MALT1: variants seen among roughly 807,000 people sequenced by gnomAD.
MALT1 encodes mucosa-associated lymphoid tissue lymphoma translocation protein 1.
In MALT1, 36 loss-of-function variants were observed where a neutral mutation model predicts 85.5. The ratio of observed to expected loss-of-function variants is 0.42; its 90% confidence interval spans 0.32 to 0.56. The LOEUF is 0.56. Ranked by LOEUF, MALT1 falls within the 20% of genes least tolerant of loss-of-function variation. MALT1 has a pLI of 0.10. For missense variants in MALT1, 716 were observed against 981.6 expected (o/e 0.73, Z 3.62); for synonymous variants, 359 against 361.3 (o/e 0.99, Z 0.07).
intron 2 of MALT1, chr18:58,692,267 A>T (rs907181892): frequency 6.6e-6 from 1 of 152,084 alleles, no homozygotes; most frequent in South Asian, 2.1e-4. Context: ...GGTCTCACTG[A>T]CAATAAAGAG....
At chr18:58,714,249 TTAAC>T (rs2054870521) in intron 8 of MALT1, 140 bp downstream of exon 8, 1 of 460,272 alleles carries the variant, frequency 2.2e-6, no homozygotes, top group Non-Finnish European at 3.9e-6. Flanking sequence ...AAGGTTGAAA[TTAAC>T]TACATGAAGT....
intron 11 of MALT1, chr18:58,733,980 G>A: frequency 8.6e-7 from 1 of 1,165,226 alleles, no homozygotes; most frequent in South Asian, 2.7e-5. Context: ...GATGTTTGGA[G>A]GTTTGGATCC....
intron 4 of MALT1, among the ~76,000 whole-genome samples, chr18:58,706,161 A>AT (rs1363041821): frequency 6.7e-6 from 1 of 149,908 alleles, no homozygotes; most frequent in Non-Finnish European, 1.5e-5. Flanking sequence ...AATTTTTTGT[A>AT]TTTTTTAGTA....
At chr18:58,715,859 A>T in intron 8 of MALT1, 76 bp from the exon 9 acceptor site, 1 of 946,076 alleles carries the variant, frequency 1.1e-6, no homozygotes, top group Non-Finnish European at 1.7e-6. Context: ...TGCTGATGTT[A>T]TATACTTTTC....
intron 9 of MALT1, among the ~76,000 whole-genome samples, chr18:58,720,710 TC>T (rs1484612961): frequency 6.6e-6 from 1 of 152,200 alleles, no homozygotes; most frequent in African/African-American, 2.4e-5. Flanking sequence ...TAATTTTATT[TC>T]CCCAAAGACC....
At chr18:58,685,581 T>G (rs2054389708) in intron 2 of MALT1, among the ~76,000 whole-genome samples, 1 of 152,206 alleles carries the variant, frequency 6.6e-6, no homozygotes, top group Non-Finnish European at 1.5e-5. Flanking sequence ...TCACTCAGCA[T>G]GTAGTCTGAG....
chr18:58,699,484 G>A (rs1191499840), intron 3 of MALT1, among the ~76,000 whole-genome samples: 1 of 152,196 alleles, frequency 6.6e-6, no homozygotes, highest in Non-Finnish European at 1.5e-5. Flanking sequence ...TGGAGAGGGA[G>A]GAGGTGAGCT....
intron 3 of MALT1, chr18:58,697,164 A>G (rs2054602723): frequency 6.6e-6 from 1 of 151,650 alleles, no homozygotes; most frequent in African/African-American, 2.4e-5. Context: ...TCCTCCTCCC[A>G]CTTCCACAGT....
intron 5 of MALT1, 53 bp downstream of exon 5, chr18:58,709,609 G>A: frequency 5.0e-6 from 7 of 1,396,616 alleles, no homozygotes; most frequent in Non-Finnish European, 6.8e-6. Flanking sequence ...AAAACAAATG[G>A]TACAATTGAA....
chr18:58,711,039 C>T, intron 7 of MALT1, 86 bp downstream of exon 7: 1 of 800,002 alleles, frequency 1.3e-6, no homozygotes, highest in Non-Finnish European at 1.9e-6. Flanking sequence ...CTACTGAGTG[C>T]AGTGATGGAA....
chr18:58,695,569 T>C (rs889505902), intron 2 of MALT1, among the ~76,000 whole-genome samples: 1 of 152,210 alleles, frequency 6.6e-6, no homozygotes, highest in African/African-American at 2.4e-5. Context: ...TGAAGACGTT[T>C]TCAATGGTGT....
chr18:58,746,729 G>GT (rs79360243), intron 16 of MALT1, among the ~76,000 whole-genome samples: 99 of 146,622 alleles, frequency 6.8e-4, no homozygotes, highest in Middle Eastern at 3.6e-3. Flanking sequence ...ATAAAACCAG[G>GT]TTTTTTTTTT....
intron 9 of MALT1, among the ~76,000 whole-genome samples, chr18:58,716,435 CTT>C (rs2054901461): frequency 6.6e-6 from 1 of 152,160 alleles, no homozygotes; most frequent in Non-Finnish European, 1.5e-5. Context: ...AGGGAGAAAA[CTT>C]TAGCAGATAA....
At position 58,747,736 on chromosome 18, in the gene MALT1, T is replaced by G; in HGVS notation, c.2369T>G (p.Phe790Cys). The change falls in exon 17 of 17, where the codon TTC becomes TGC. Residue 790 changes from phenylalanine to cysteine, a missense_variant. Transcript: ENST00000649217. Reference sequence around the variant, plus strand: ...ACTCCAGATGCATTTATTTCAAGTTTCGCTCACCATGCTTCATGTCATTTT... The same window carrying G: ...ACTCCAGATGCATTTATTTCAAGTTGCGCTCACCATGCTTCATGTCATTTT... ...SRTPDAFISS[F>C]AHHASCHFSR... is the part of the protein sequence containing the mutation. 1 of 1,614,170 alleles carries G rather than the reference T, an allele frequency of 6.2e-7. No homozygotes were observed. The highest frequency in any genetic ancestry group is 1.1e-5 in the South Asian group (1 of 91,076).
At chr18:58,712,535 G>T (rs1316093769) in intron 7 of MALT1, among the ~76,000 whole-genome samples, 1 of 152,172 alleles carries the variant, frequency 6.6e-6, no homozygotes, top group Non-Finnish European at 1.5e-5. Context: ...ATTGAGACTG[G>T]CAAGAGGCTT....
chr18:58,745,496 A>G (rs1451435804), intron 15 of MALT1, among the ~76,000 whole-genome samples, 170 bp from the exon 16 acceptor site: 3 of 152,168 alleles, frequency 2.0e-5, no homozygotes, highest in Non-Finnish European at 4.4e-5. Context: ...TATTATAACC[A>G]TAGATTGTTG....
intron 9 of MALT1, among the ~76,000 whole-genome samples, chr18:58,721,994 C>A (rs1344427259): frequency 2.0e-5 from 3 of 152,186 alleles, no homozygotes; most frequent in Non-Finnish European, 4.4e-5. Context: ...GCATTTCTGT[C>A]ACTGCTGCTA....
chr18:58,680,679 T>C (rs1157984304), intron 1 of MALT1, among the ~76,000 whole-genome samples: 3 of 152,116 alleles, frequency 2.0e-5, no homozygotes, highest in Admixed American at 6.5e-5. Context: ...CATGGGACAC[T>C]TGGGGAGGCC....
chr18:58,707,694 A>G (rs2054773209), intron 4 of MALT1, among the ~76,000 whole-genome samples: 1 of 152,214 alleles, frequency 6.6e-6, no homozygotes, highest in African/African-American at 2.4e-5. Context: ...AGATTAACAT[A>G]TTACACATTA....
Sources: gnomAD v4.1 joint callset for allele counts (sites outside exome capture counted in the v4.1 genomes callset) on GRCh38, gnomAD v4.1.1 for gene constraint, MANE v1.5 for transcripts, NCBI Gene and HGNC (gene_info 2026-07-23, HGNC 2026-07-21) for gene names.